The following LAMA2 variants were observed in gnomAD, a reference collection of about 807,000 sequenced individuals.
LAMA2 encodes the protein laminin subunit alpha-2.
In LAMA2, 269 loss-of-function variants were observed where a neutral mutation model predicts 364.8. The ratio of observed to expected loss-of-function variants is 0.74; its 90% CI spans 0.67 to 0.82. The LOEUF (loss-of-function observed/expected upper bound fraction) is 0.82, where lower values mean the gene tolerates loss of function less well. Among genes scored for constraint, LAMA2 ranks in the 40% least tolerant of loss-of-function variants. LAMA2 has a pLI of 0.00. For missense variants in LAMA2, 3,807 were observed against 3,873.2 expected, an observed-to-expected ratio of 0.98 and a Z score of 0.45; for synonymous variants, 1,379 against 1,370.6, an observed-to-expected ratio of 1.01 and a Z score of -0.14.
chr6:129,481,264 A>G lies in LAMA2; in HGVS notation c.7574A>G (p.Asn2525Ser), dbSNP rs2035440970. ...ACTCTTCTTTTCCTTTACTCACAGAATGTTTACACAGTTAGCTTTCCTAAG... is the reference window on the plus strand; with the variant it reads ...ACTCTTCTTTTCCTTTACTCACAGAGTGTTTACACAGTTAGCTTTCCTAAG... ...VGVTKGCSLE[N>S]VYTVSFPKPG... is the part of the protein sequence containing the mutation. Residue 2525 changes from asparagine to serine, a missense_variant and splice_region_variant, in exon 55 of 65, where the codon AAT (asparagine) becomes AGT (serine). Asn to Ser is a conservative substitution (Grantham distance 46). Transcript: ENST00000421865. 1 of 1,613,254 alleles carries G rather than the reference A, an allele frequency of 6.2e-7. No individual in the cohort carries two copies. The highest frequency in any genetic ancestry group is 8.5e-7 in the Non-Finnish European group (1 of 1,179,280).
chr6:129,194,201 CT>C (rs1454034244), intron 12 of LAMA2, among the ~76,000 whole-genome samples: 1 of 151,714 alleles, frequency 6.6e-6, no homozygotes, highest in Non-Finnish European at 1.5e-5. Flanking sequence ...TAAAAATATA[CT>C]GTCAATTTAA....
At chr6:129,060,605 T>C (rs1449131050) in intron 3 of LAMA2, among the ~76,000 whole-genome samples, 1 of 152,190 alleles carries the variant, frequency 6.6e-6, no homozygotes, top group Non-Finnish European at 1.5e-5. Context: ...TATGCCTAAA[T>C]AATGTGCAGG....
At chr6:129,117,724 A>G (rs1776559268) in intron 4 of LAMA2, among the ~76,000 whole-genome samples, 1 of 152,192 alleles carries the variant, frequency 6.6e-6, no homozygotes, top group South Asian at 2.1e-4. Context: ...GCCAAGTACC[A>G]TTCTAAATGC....
At chr6:129,330,605 T>G (rs1235177457) in intron 29 of LAMA2, among the ~76,000 whole-genome samples, 7 of 149,106 alleles carry the variant, frequency 4.7e-5, no homozygotes, top group South Asian at 4.3e-4. Flanking sequence ...TTTGTTTTTT[T>G]TTTTTTTTTT....
At chr6:129,402,525 A>G (rs1780039891) in intron 39 of LAMA2, 38 bp downstream of exon 39, 24 of 1,596,674 alleles carry the variant, frequency 1.5e-5, no homozygotes, top group Non-Finnish European at 2.0e-5. Flanking sequence ...GTGTATTTTG[A>G]TGCTTGTCCA....
chr6:129,514,910 T>G (rs1236236967), intron 64 of LAMA2, among the ~76,000 whole-genome samples: 2 of 149,704 alleles, frequency 1.3e-5, no homozygotes, highest in East Asian at 2.0e-4. Context: ...CCAAACTTGG[T>G]GTTCTTTCTG....
intron 1 of LAMA2, among the ~76,000 whole-genome samples, chr6:128,977,613 T>C (rs1259024258): frequency 1.3e-5 from 2 of 152,196 alleles, no homozygotes. Flanking sequence ...ACGATAAATG[T>C]TGACTGATTC....
intron 1 of LAMA2, among the ~76,000 whole-genome samples, chr6:128,912,575 G>A (rs1778039514): frequency 1.3e-5 from 2 of 152,052 alleles, no homozygotes; most frequent in African/African-American, 4.8e-5. Flanking sequence ...ACAAAAGGAA[G>A]AAAAGAAAAA....
At chr6:129,441,438 A>G (rs577711455) in intron 43 of LAMA2, among the ~76,000 whole-genome samples, 3 of 152,214 alleles carry the variant, frequency 2.0e-5, no homozygotes, top group Non-Finnish European at 4.4e-5. Context: ...GAAATGCATT[A>G]AAATTTGAAA....
At chr6:128,910,721 T>G (rs1396177635) in intron 1 of LAMA2, among the ~76,000 whole-genome samples, 1 of 152,098 alleles carries the variant, frequency 6.6e-6, no homozygotes, top group African/African-American at 2.4e-5. Context: ...CTCTGCTTTT[T>G]AGAGTTTCCA....
chr6:128,930,019 C>CA (rs1312203647), intron 1 of LAMA2: 1 of 488,704 alleles, frequency 2.0e-6, no homozygotes, highest in Non-Finnish European at 3.7e-6. Context: ...CCAGCCTCGG[C>CA]GTTGCAGAGC....
At chr6:129,037,374 A>G (rs1230410391) in intron 1 of LAMA2, among the ~76,000 whole-genome samples, 2 of 152,170 alleles carry the variant, frequency 1.3e-5, no homozygotes, top group African/African-American at 2.4e-5. Context: ...TGTAAACAGT[A>G]TATGATATCT....
chr6:128,988,131 G>T (rs772412221), intron 1 of LAMA2, among the ~76,000 whole-genome samples: 1 of 152,160 alleles, frequency 6.6e-6, no homozygotes, highest in Non-Finnish European at 1.5e-5. Flanking sequence ...CTCCCAAAGT[G>T]CTGGGATTAT....
intron 34 of LAMA2, among the ~76,000 whole-genome samples, chr6:129,375,905 A>T (rs1306309057): frequency 1.3e-5 from 2 of 152,170 alleles, no homozygotes; most frequent in Non-Finnish European, 2.9e-5. Flanking sequence ...GTATATGCCC[A>T]GTCTCCCAAA....
chr6:129,058,436 C>G (rs1788636811), intron 2 of LAMA2, among the ~76,000 whole-genome samples: 1 of 140,336 alleles, frequency 7.1e-6, no homozygotes, highest in Non-Finnish European at 1.6e-5. Flanking sequence ...TCTAATCTCC[C>G]TTTTGATTTT....
chr6:129,114,729 G>C (rs772900293), intron 4 of LAMA2, among the ~76,000 whole-genome samples: 1 of 151,930 alleles, frequency 6.6e-6, no homozygotes, highest in Non-Finnish European at 1.5e-5. Flanking sequence ...TTCCATGAGG[G>C]AGAGGGCCAT....
chr6:128,929,508 C>G, intron 1 of LAMA2: 1 of 860,298 alleles, frequency 1.2e-6, no homozygotes, highest in Non-Finnish European at 2.0e-6. Flanking sequence ...CCGACCAGAT[C>G]GATTCTGCTT....
intron 32 of LAMA2, among the ~76,000 whole-genome samples, chr6:129,359,754 C>T (rs1310328961): frequency 1.3e-5 from 2 of 150,376 alleles, no homozygotes; most frequent in African/African-American, 4.9e-5. Context: ...TAATAGCTTT[C>T]GCCCTTTCAA....
At chr6:129,446,992 G>A (rs1782417646) in intron 45 of LAMA2, among the ~76,000 whole-genome samples, 1 of 152,192 alleles carries the variant, frequency 6.6e-6, no homozygotes, top group Admixed American at 6.5e-5. Context: ...GAATATGAAA[G>A]CCAGGCAGTA....
Sources: gnomAD v4.1 joint callset for allele counts (sites outside exome capture counted in the v4.1 genomes callset) on GRCh38, gnomAD v4.1.1 for gene constraint, MANE v1.5 for transcripts, NCBI Gene and HGNC (gene_info 2026-07-23, HGNC 2026-07-21) for gene names.